The following IGF2BP3 variants were observed in gnomAD, a reference collection of about 807,000 sequenced individuals.
The protein encoded by IGF2BP3 is insulin like growth factor 2 mRNA binding protein 3.
Under a neutral mutation model 73.8 loss-of-function variants are expected in IGF2BP3, and 9 were observed. That is an observed-to-expected ratio of 0.12 (90% CI 0.07 to 0.21). IGF2BP3 has a LOEUF of 0.21. Ranked by LOEUF, IGF2BP3 falls within the 10% of genes least tolerant of loss-of-function variation. The pLI, the probability that IGF2BP3 is intolerant of heterozygous loss-of-function variation, is 1.00. For synonymous variants in IGF2BP3, 258 were observed against 256.7 expected, an observed-to-expected ratio of 1.01 and a Z score of -0.05; for missense variants, 542 against 714.0, an observed-to-expected ratio of 0.76 and a Z score of 2.75.
intron 2 of IGF2BP3, among the ~76,000 whole-genome samples, chr7:23,427,640 G>A (rs1018976262): frequency 1.3e-5 from 2 of 152,158 alleles, no homozygotes; most frequent in Non-Finnish European, 2.9e-5. Context: ...GGAAGGCGGA[G>A]GTGGGTGGAT....
intron 3 of IGF2BP3, among the ~76,000 whole-genome samples, chr7:23,385,970 T>A (rs1045905816): frequency 1.3e-5 from 2 of 152,224 alleles, no homozygotes; most frequent in Admixed American, 1.3e-4. Context: ...TGATATTGAT[T>A]TTTTTAAGCC....
chr7:23,382,124 T>C (rs552735685), intron 3 of IGF2BP3, among the ~76,000 whole-genome samples: 1 of 152,200 alleles, frequency 6.6e-6, no homozygotes, highest in Non-Finnish European at 1.5e-5. Context: ...CACACCCCTG[T>C]GGTCCCAGCT....
intron 5 of IGF2BP3, 124 bp downstream of exon 5, chr7:23,361,410 A>T: frequency 2.8e-6 from 2 of 708,774 alleles, no homozygotes; most frequent in Non-Finnish European, 4.8e-6. Flanking sequence ...TTACAGGGTC[A>T]AATTTTGTAA....
At chr7:23,384,010 G>C (rs1785999434) in intron 3 of IGF2BP3, among the ~76,000 whole-genome samples, 1 of 150,648 alleles carries the variant, frequency 6.6e-6, no homozygotes, top group Non-Finnish European at 1.5e-5. Context: ...GCAGGACAAT[G>C]GCATGAACCT....
intron 2 of IGF2BP3, among the ~76,000 whole-genome samples, chr7:23,444,211 A>C (rs967503290): frequency 6.6e-6 from 1 of 152,144 alleles, no homozygotes; most frequent in Admixed American, 6.5e-5. Context: ...AATTGGGGTA[A>C]ACCACATGCT....
At chr7:23,445,269 GCTTTTTAATTAA>G (rs1351573956) in intron 2 of IGF2BP3, among the ~76,000 whole-genome samples, 2 of 152,132 alleles carry the variant, frequency 1.3e-5, no homozygotes, top group Non-Finnish European at 2.9e-5. Context: ...AACCTTCCAA[GCTTTTTAATTAA>G]TTTAGAGAAA....
intron 10 of IGF2BP3, among the ~76,000 whole-genome samples, chr7:23,331,421 C>T (rs1473259007): frequency 6.6e-6 from 1 of 152,112 alleles, no homozygotes; most frequent in Admixed American, 6.5e-5. Context: ...AAATAACTGT[C>T]AGGTGAAGAT....
At chr7:23,422,177 T>C (rs959434695) in intron 2 of IGF2BP3, among the ~76,000 whole-genome samples, 2 of 152,176 alleles carry the variant, frequency 1.3e-5, no homozygotes, top group Non-Finnish European at 2.9e-5. Flanking sequence ...TTGGAGGGTG[T>C]ATATATTACC....
chr7:23,444,641 G>A (rs62468257), intron 2 of IGF2BP3, among the ~76,000 whole-genome samples: 8,849 of 144,454 alleles, frequency 0.061, 342 homozygotes, highest in Middle Eastern at 0.088. Context: ...TACTTGGGAG[G>A]CTGAGGCACG....
At chr7:23,394,260 A>G (rs1214298831) in intron 3 of IGF2BP3, among the ~76,000 whole-genome samples, 1 of 152,194 alleles carries the variant, frequency 6.6e-6, no homozygotes, top group Non-Finnish European at 1.5e-5. Flanking sequence ...TAAGCCCAGG[A>G]GTTGGAGACC....
chr7:23,381,770 T>C (rs191883041), intron 3 of IGF2BP3, among the ~76,000 whole-genome samples: 84 of 152,224 alleles, frequency 5.5e-4, no homozygotes, highest in Admixed American at 2.6e-3. Context: ...GGTTTTGCCA[T>C]GTTGGCAGGG....
intron 3 of IGF2BP3, among the ~76,000 whole-genome samples, chr7:23,374,202 CAAT>C (rs1222813567): frequency 1.3e-5 from 2 of 152,038 alleles, no homozygotes; most frequent in African/African-American, 4.8e-5. Flanking sequence ...TCAAAATAGC[CAAT>C]AATTGAAAGG....
intron 3 of IGF2BP3, among the ~76,000 whole-genome samples, chr7:23,418,248 G>A (rs777046290): frequency 9.9e-5 from 15 of 152,086 alleles, no homozygotes; most frequent in Non-Finnish European, 2.1e-4. Context: ...TCAACTACTG[G>A]TGTCTCAGAT....
At chr7:23,456,136 A>T (rs1386948594) in intron 2 of IGF2BP3, among the ~76,000 whole-genome samples, 2 of 152,222 alleles carry the variant, frequency 1.3e-5, no homozygotes. Flanking sequence ...AAACTCGCAT[A>T]CAAGAAATAC....
At chr7:23,421,698 A>C (rs1787353607) in intron 2 of IGF2BP3, among the ~76,000 whole-genome samples, 1 of 151,820 alleles carries the variant, frequency 6.6e-6, no homozygotes, top group African/African-American at 2.4e-5. Context: ...CTCAAAAAAA[A>C]AAAAAAAAAG....
At chr7:23,426,666 T>G (rs1417997704) in intron 2 of IGF2BP3, among the ~76,000 whole-genome samples, 2 of 152,224 alleles carry the variant, frequency 1.3e-5, no homozygotes, top group Non-Finnish European at 1.5e-5. Flanking sequence ...ATTCCTCTGT[T>G]CCCTATAAAG....
chr7:23,417,267 T>C (rs1390915491), intron 3 of IGF2BP3, among the ~76,000 whole-genome samples: 1 of 152,210 alleles, frequency 6.6e-6, no homozygotes, highest in Non-Finnish European at 1.5e-5. Flanking sequence ...TTCCAAAGTC[T>C]AGTTCCAAGC....
chr7:23,425,851 C>T (rs1207814361), intron 2 of IGF2BP3, among the ~76,000 whole-genome samples: 1 of 152,054 alleles, frequency 6.6e-6, no homozygotes, highest in Non-Finnish European at 1.5e-5. Context: ...GTAGTCCCAG[C>T]TACTCGGGAG....
In IGF2BP3 at chr7:23,355,822, A is replaced by C. The variant is rs1785082236; in HGVS notation, c.402-4236T>G. 2.0e-5 allele frequency among the ~76,000 whole-genome samples: 3 copies of C among 152,012 alleles called. No homozygotes were observed. The South Asian group carries it at 6.2e-4, about 32-fold the overall frequency. ...GTGGCGTGAGCCTATAATTCCAGCT[A>C]CTTGGAAGGCTGAGGCATGAGAATT... On this transcript the variant is annotated intron_variant, in intron 5 of 14. Transcript: ENST00000258729.
Sources: gnomAD v4.1 joint callset for allele counts (sites outside exome capture counted in the v4.1 genomes callset) on GRCh38, gnomAD v4.1.1 for gene constraint, MANE v1.5 for transcripts, NCBI Gene and HGNC (gene_info 2026-07-23, HGNC 2026-07-21) for gene names.